The following ADCY3 variants were observed in gnomAD, a reference collection of about 807,000 sequenced individuals.
The protein encoded by ADCY3 is adenylate cyclase 3, also known as adenylate cyclase type 3.
A neutral mutation model predicts 119.4 loss-of-function variants in ADCY3; 70 were observed. The observed-to-expected ratio is 0.59, with a 90% CI of 0.48 to 0.72. The LOEUF (loss-of-function observed/expected upper bound fraction) is 0.72, where lower values mean the gene tolerates loss of function less well. Among genes scored for constraint, ADCY3 ranks in the 30% least tolerant of loss-of-function variants. The pLI is 0.00. For missense variants in ADCY3, 1,238 were observed against 1,541.6 expected (o/e 0.80, Z 3.30); for synonymous variants, 672 against 621.4 (o/e 1.08, Z -1.21).
chr2:24,888,340 C>A (rs143903785), intron 2 of ADCY3, among the ~76,000 whole-genome samples: 2 of 152,198 alleles, frequency 1.3e-5, no homozygotes, highest in African/African-American at 4.8e-5. Flanking sequence ...CCCAGCTGGA[C>A]GGCTCAGCTC....
chr2:24,878,032 T>A lies in ADCY3; in HGVS notation c.676-5313A>T. ...CGATCAGGCTCTGTGGTGACAGAGG[T>A]CCACAGCCCCTGGGGTCTCTATTTA... On this transcript the variant is annotated intron_variant, in intron 2 of 21. Coordinates refer to ENST00000679454, the MANE Select transcript of ADCY3 (RefSeq NM_004036.5). The surrounding 1 kb of genome is among the most constrained non-coding windows in gnomAD (Gnocchi z 4.0). 1 of 456,242 alleles carries A rather than the reference T, an allele frequency of 2.2e-6. No homozygotes were observed. Among genetic ancestry groups the A allele is most frequent in the South Asian group, 1.6e-5 (1 of 62,754 alleles). 28.3% of individuals were successfully genotyped at this position (456,242 alleles called of 1,614,324 possible).
At chr2:24,846,569 T>G (rs991207373) in intron 3 of ADCY3, among the ~76,000 whole-genome samples, 1 of 150,742 alleles carries the variant, frequency 6.6e-6, no homozygotes, top group Non-Finnish European at 1.5e-5. Context: ...AGTAACTAGT[T>G]TGCTTTTGAT....
At chr2:24,831,232 A>G (rs1236339988) in intron 12 of ADCY3, among the ~76,000 whole-genome samples, 2 of 150,160 alleles carry the variant, frequency 1.3e-5, no homozygotes, top group African/African-American at 4.9e-5. Context: ...ATTCTGATTA[A>G]AAAAAAAAAA....
intron 2 of ADCY3, among the ~76,000 whole-genome samples, chr2:24,916,188 G>A (rs1056928904): frequency 6.6e-6 from 1 of 152,104 alleles, no homozygotes; most frequent in African/African-American, 2.4e-5. Flanking sequence ...TTATGTCTTA[G>A]CAATACTCAA....
chr2:24,870,225 G>A (rs2148799496), intron 3 of ADCY3, among the ~76,000 whole-genome samples: 1 of 151,080 alleles, frequency 6.6e-6, no homozygotes, highest in Middle Eastern at 3.4e-3. Flanking sequence ...GGAAGCTGAG[G>A]CAGGAGAATC....
At chr2:24,861,040 C>G (rs532416422) in intron 3 of ADCY3, among the ~76,000 whole-genome samples, 77 of 152,302 alleles carry the variant, frequency 5.1e-4, no homozygotes, top group African/African-American at 1.8e-3. Context: ...CACTTGAGAT[C>G]AGGAGTTTGA....
At chr2:24,870,321 C>CAAAAAA (rs34685288) in intron 3 of ADCY3, among the ~76,000 whole-genome samples, 7 of 87,306 alleles carry the variant, frequency 8.0e-5, no homozygotes, top group African/African-American at 2.6e-4. Flanking sequence ...GACTCCATGT[C>CAAAAAA]AAAAAAAAAA....
intron 3 of ADCY3, among the ~76,000 whole-genome samples, chr2:24,855,838 C>T (rs2148688860): frequency 6.6e-6 from 1 of 152,288 alleles, no homozygotes; most frequent in South Asian, 2.1e-4. Flanking sequence ...CTTCTCACCC[C>T]AGGGCAATCT....
At chr2:24,857,203 G>A (rs1449501341) in intron 3 of ADCY3, among the ~76,000 whole-genome samples, 1 of 152,220 alleles carries the variant, frequency 6.6e-6, no homozygotes, top group African/African-American at 2.4e-5. Context: ...GGTCTCCTGT[G>A]CAGTCCCCAG....
intron 2 of ADCY3, among the ~76,000 whole-genome samples, chr2:24,911,056 T>C (rs979233833): frequency 6.6e-6 from 1 of 151,980 alleles, no homozygotes; most frequent in African/African-American, 2.4e-5. Context: ...GGCTGTTGGT[T>C]GCAACACTCA....
At chr2:24,831,939 G>GGGCCAGA (rs1669598860) in intron 11 of ADCY3, among the ~76,000 whole-genome samples, 190 bp from the exon 12 acceptor site, 1 of 132,838 alleles carries the variant, frequency 7.5e-6, no homozygotes, top group Middle Eastern at 3.7e-3. Context: ...CAGTGGCCAG[G>GGGCCAGA]GGACAGCAGA....
intron 20 of ADCY3, chr2:24,821,310 G>A (rs539235091): frequency 6.4e-5 from 41 of 644,034 alleles, no homozygotes; most frequent in African/African-American, 5.5e-4. Flanking sequence ...CAGTATAGTC[G>A]GATCATCACA....
chr2:24,853,167 G>C (rs1489985045), intron 3 of ADCY3, among the ~76,000 whole-genome samples: 1 of 152,066 alleles, frequency 6.6e-6, no homozygotes, highest in African/African-American at 2.4e-5. Context: ...CCGAGGACTG[G>C]GGTATAAGGA....
At chr2:24,902,054 G>A (rs1379760826) in intron 2 of ADCY3, among the ~76,000 whole-genome samples, 13 of 146,864 alleles carry the variant, frequency 8.9e-5, no homozygotes, top group African/African-American at 2.8e-4. Context: ...GTGTGTGTGT[G>A]TGTGTGTGTG....
chr2:24,823,404 A>T, intron 17 of ADCY3, 49 bp from the exon 18 acceptor site: 3 of 1,587,362 alleles, frequency 1.9e-6, no homozygotes, highest in Non-Finnish European at 2.6e-6. Context: ...GACTGACTGG[A>T]TGATGTGTTG....
chr2:24,862,855 C>A (rs929837088), intron 3 of ADCY3, among the ~76,000 whole-genome samples: 2 of 152,100 alleles, frequency 1.3e-5, no homozygotes, highest in Non-Finnish European at 2.9e-5. Context: ...TTTTCTATAT[C>A]TTCAAAATTG....
intron 2 of ADCY3, among the ~76,000 whole-genome samples, chr2:24,873,972 G>A (rs1164233440): frequency 6.6e-6 from 1 of 152,230 alleles, no homozygotes; most frequent in African/African-American, 2.4e-5. Context: ...TCTGGGGTAG[G>A]TGAAAAAGGC....
At chr2:24,861,506 G>A (rs1673649766) in intron 3 of ADCY3, among the ~76,000 whole-genome samples, 1 of 152,176 alleles carries the variant, frequency 6.6e-6, no homozygotes. Context: ...ACCAGGTTCT[G>A]TTTCCTCTCA....
chr2:24,876,571 T>A (rs534400373), intron 2 of ADCY3, among the ~76,000 whole-genome samples: 1 of 152,282 alleles, frequency 6.6e-6, no homozygotes, highest in African/African-American at 2.4e-5. Flanking sequence ...AAAAGTAAGT[T>A]TCACTCTTTC....
Sources: allele counts gnomAD v4.1 joint callset (sites outside exome capture counted in the v4.1 genomes callset), GRCh38; gene constraint gnomAD v4.1.1; non-coding constraint Gnocchi (gnomAD v3.1); transcripts MANE v1.5; gene names NCBI Gene and HGNC (gene_info 2026-07-23, HGNC 2026-07-21).